The following PCM1 variants were observed in gnomAD, a reference collection of about 807,000 sequenced individuals.
The protein encoded by PCM1 is pericentriolar material 1.
Under a neutral mutation model 241.9 loss-of-function variants are expected in PCM1, and 157 were observed. The observed-to-expected ratio is 0.65, with a 90% confidence interval of 0.57 to 0.74. The LOEUF (loss-of-function observed/expected upper bound fraction) is 0.74, where lower values mean the gene tolerates loss of function less well. PCM1 is among the 30% of genes least tolerant of loss of function. The pLI, the probability that PCM1 is intolerant of heterozygous loss-of-function variation, is 0.00. For missense variants in PCM1, 3,478 were observed against 2,360.1 expected (o/e 1.47, Z -9.81); for synonymous variants, 1,085 against 784.9 (o/e 1.38, Z -6.39).
chr8:17,965,605 T>G (rs2074543272), intron 18 of PCM1, among the ~76,000 whole-genome samples: 2 of 152,374 alleles, frequency 1.3e-5, no homozygotes, highest in South Asian at 4.1e-4. Flanking sequence ...ACATTGTTAC[T>G]AATAATTATA....
intron 2 of PCM1, among the ~76,000 whole-genome samples, chr8:17,932,469 C>T (rs1476307702): frequency 3.3e-5 from 5 of 152,012 alleles, no homozygotes; most frequent in Non-Finnish European, 7.4e-5. Flanking sequence ...TGAAAGTTAG[C>T]AAATTTAATA....
intron 2 of PCM1, chr8:17,925,899 T>C (rs2056757091): frequency 6.6e-6 from 1 of 152,172 alleles, no homozygotes; most frequent in Non-Finnish European, 1.5e-5. Context: ...AGCAGACAGA[T>C]TTTTATTTTA....
At chr8:17,990,185 A>G (rs992882940) in intron 27 of PCM1, among the ~76,000 whole-genome samples, 4 of 152,172 alleles carry the variant, frequency 2.6e-5, no homozygotes, top group Middle Eastern at 3.4e-3. Context: ...GACTCTGCAT[A>G]TACTAAGGAA....
rs751032677 is a variant in PCM1, at chr8:17,935,656, G to A, written c.46G>A (p.Asp16Asn). ...CTTTGAAGATGGCATGAATGATCAGGATTTACCAAACTGGAGTAATGAGAA... is the reference window on the plus strand; with the variant it reads ...CTTTGAAGATGGCATGAATGATCAGAATTTACCAAACTGGAGTAATGAGAA... ...GPFEDGMNDQDLPNWSNENVD... is the reference protein window; with the variant it reads ...GPFEDGMNDQNLPNWSNENVD... Residue 16 changes from aspartate to asparagine, a missense_variant, in exon 3 of 39, where the codon GAT (aspartate) becomes AAT (asparagine). Physicochemically the swap from Asp to Asn is conservative, Grantham distance 23. Coordinates refer to ENST00000325083, the MANE Select transcript of PCM1 (RefSeq NM_006197.4). 5.7e-6 allele frequency: 9 copies of A among 1,570,766 alleles called. No homozygotes were observed. Among genetic ancestry groups the A allele is most frequent in the Admixed American group, 3.3e-5 (2 of 59,858 alleles).
chr8:18,027,848 C>A lies in PCM1; in HGVS notation c.*186C>A. 2.4e-6 allele frequency: 1 copy of A among 409,094 alleles called. No individual in the cohort carries two copies. The allele number at this position is 409,094 out of a possible 1,614,324, so 25.3% of individuals were successfully genotyped here. On this transcript the variant is annotated 3_prime_UTR_variant, in exon 39 of 39. Coordinates refer to ENST00000325083, the MANE Select transcript of PCM1 (RefSeq NM_006197.4). Reference sequence around the variant, plus strand: ...AAACTGAATTCTGGACAGATTTAAGCCTTGACACACTGTGTTTTTTTTTTT... The same window carrying A: ...AAACTGAATTCTGGACAGATTTAAGACTTGACACACTGTGTTTTTTTTTTT...
chr8:17,974,311 C>T (rs2077889843), intron 23 of PCM1, among the ~76,000 whole-genome samples: 1 of 152,166 alleles, frequency 6.6e-6, no homozygotes, highest in African/African-American at 2.4e-5. Flanking sequence ...TTTCTATTTC[C>T]TAGTGCTTTG....
intron 26 of PCM1, among the ~76,000 whole-genome samples, chr8:17,987,134 GGT>G (rs1349277674): frequency 6.6e-6 from 1 of 151,740 alleles, no homozygotes; most frequent in African/African-American, 2.4e-5. Context: ...AAAACTACAT[GGT>G]TTTAATTAAC....
intron 38 of PCM1, 39 bp from the exon 39 acceptor site, chr8:18,027,598 G>A (rs761028563): frequency 9.0e-6 from 13 of 1,449,814 alleles, no homozygotes; most frequent in East Asian, 2.3e-5. Flanking sequence ...CTAGTAATTC[G>A]ATAAGTAATT....
chr8:17,970,427 T>A (rs1168726475), intron 22 of PCM1, among the ~76,000 whole-genome samples: 1 of 144,258 alleles, frequency 6.9e-6, no homozygotes, highest in Non-Finnish European at 1.5e-5. Flanking sequence ...AGTCATTAAC[T>A]GGGATTTTTT....
chr8:17,940,400 T>C (rs1044974170), intron 6 of PCM1, among the ~76,000 whole-genome samples: 1 of 152,220 alleles, frequency 6.6e-6, no homozygotes, highest in Non-Finnish European at 1.5e-5. Flanking sequence ...CTTCAGTTTA[T>C]AGAAACATTG....
At chr8:17,938,575 T>C (rs2061118378) in intron 4 of PCM1, among the ~76,000 whole-genome samples, 165 bp from the exon 5 acceptor site, 2 of 152,180 alleles carry the variant, frequency 1.3e-5, no homozygotes, top group Admixed American at 6.5e-5. Context: ...CATATTGTAG[T>C]GAAAGACTGT....
At chr8:17,960,237 A>C (rs2071041925) in intron 14 of PCM1, 72 bp downstream of exon 14, 3 of 1,556,756 alleles carry the variant, frequency 1.9e-6, no homozygotes, top group Non-Finnish European at 2.6e-6. Context: ...GTGCTCAGCT[A>C]GGTACTGTGT....
chr8:17,994,691 C>T (rs139654389), intron 29 of PCM1, among the ~76,000 whole-genome samples: 11 of 152,240 alleles, frequency 7.2e-5, no homozygotes, highest in East Asian at 1.9e-4. Context: ...TCCACATCCT[C>T]GCCAGCATTT....
At chr8:18,008,170 T>C (rs2091831855) in intron 30 of PCM1, among the ~76,000 whole-genome samples, 1 of 152,108 alleles carries the variant, frequency 6.6e-6, no homozygotes. Flanking sequence ...TTCATCTGTA[T>C]TTACAGTCCC....
At chr8:17,946,746 G>A (rs551367250) in intron 6 of PCM1, among the ~76,000 whole-genome samples, 19 of 151,980 alleles carry the variant, frequency 1.3e-4, no homozygotes, top group African/African-American at 4.3e-4. Flanking sequence ...TGCCCACCTC[G>A]GCCTCCCGAA....
At chr8:18,025,687 T>A (rs376631851) in intron 38 of PCM1, 29 bp downstream of exon 38, 28 of 1,272,654 alleles carry the variant, frequency 2.2e-5, no homozygotes, top group Non-Finnish European at 3.0e-5. Flanking sequence ...AATCTTGCCA[T>A]ATTGAAAAAT....
intron 29 of PCM1, among the ~76,000 whole-genome samples, chr8:18,001,904 A>G (rs903608236): frequency 6.6e-6 from 1 of 151,216 alleles, no homozygotes; most frequent in African/African-American, 2.4e-5. Flanking sequence ...AGATTATTCC[A>G]TGTAAAAACA....
rs1270176533 is a variant in PCM1, at chr8:18,027,910, A to G, written c.*248A>G. 2 of 365,630 alleles carry G rather than the reference A, an allele frequency of 5.5e-6. No homozygotes were observed. Among genetic ancestry groups the G allele is most frequent in the East Asian group, 3.7e-5 (1 of 26,672 alleles). 22.6% of individuals were successfully genotyped at this position (365,630 alleles called of 1,614,324 possible). A position where few individuals can be genotyped will look rare whatever the true frequency, so the allele number is the denominator to read the frequency against. On this transcript the variant is annotated 3_prime_UTR_variant, in exon 39 of 39. Transcript: ENST00000325083. ...TTTTTGGGTCTTCATTTTTTTCCCC[A>G]TTGTGATGTTTGGTAACGAATTTAA...
At chr8:17,935,436 A>C (rs2060138580) in intron 2 of PCM1, among the ~76,000 whole-genome samples, 153 bp from the exon 3 acceptor site, 1 of 152,242 alleles carries the variant, frequency 6.6e-6, no homozygotes, top group Non-Finnish European at 1.5e-5. Context: ...TGTCACAGCT[A>C]AATCAATTTG....
Sources: allele counts gnomAD v4.1 joint callset (sites outside exome capture counted in the v4.1 genomes callset), GRCh38; gene constraint gnomAD v4.1.1; transcripts MANE v1.5; gene names NCBI Gene and HGNC (gene_info 2026-07-23, HGNC 2026-07-21).